The following DOCK1 variants were observed in gnomAD, a reference collection of about 807,000 sequenced individuals.
The protein encoded by DOCK1 is dedicator of cytokinesis 1, also known as dedicator of cytokinesis protein 1.
DOCK1 carries 138 observed loss-of-function variants against 262.7 expected under a neutral mutation model. The ratio of observed to expected loss-of-function variants is 0.53; its 90% CI spans 0.46 to 0.61. The LOEUF (loss-of-function observed/expected upper bound fraction) is 0.61, where lower values mean the gene tolerates loss of function less well. DOCK1 is among the 20% of genes least tolerant of loss of function. DOCK1 has a pLI of 0.00. For synonymous variants in DOCK1, 866 were observed against 867.4 expected, an observed-to-expected ratio of 1.00 and a Z score of 0.03; for missense variants, 1,908 against 2,370.7, an observed-to-expected ratio of 0.80 and a Z score of 4.05.
chr10:127,403,374 GCTT>G (rs1204050044), intron 39 of DOCK1, among the ~76,000 whole-genome samples: 1 of 152,172 alleles, frequency 6.6e-6, no homozygotes, highest in East Asian at 1.9e-4. Flanking sequence ...AACTCTTAAG[GCTT>G]CTATGAATAA....
intron 23 of DOCK1, among the ~76,000 whole-genome samples, chr10:127,076,869 G>A (rs2046591961): frequency 6.6e-6 from 1 of 152,096 alleles, no homozygotes; most frequent in South Asian, 2.1e-4. Flanking sequence ...TTGTCCCTGG[G>A]GTGCAGGAAT....
rs9418798 is a variant in DOCK1, at chr10:127,026,073, G to A, written c.1552-279G>A. 9.0e-3 allele frequency: 1,970 copies of A among 218,194 alleles called. 5 individuals are homozygous for A. The highest frequency in any genetic ancestry group is 0.014 in the South Asian group (293 of 21,166). 13.5% of individuals were successfully genotyped at this position (218,194 alleles called of 1,614,324 possible). ...AAACTCTGTATCAAAAAAAAAAAAA[G>A]AAAGAAAAAAGAATCTTAACAGTAA... On this transcript the variant is annotated intron_variant, in intron 15 of 51. Transcript: ENST00000623213.
At chr10:126,963,401 T>G (rs1166651482) in intron 1 of DOCK1, among the ~76,000 whole-genome samples, 1 of 152,186 alleles carries the variant, frequency 6.6e-6, no homozygotes, top group Non-Finnish European at 1.5e-5. Flanking sequence ...AGTTTACAAG[T>G]CTGTACCTCC....
intron 29 of DOCK1, among the ~76,000 whole-genome samples, chr10:127,294,503 G>T (rs939652799): frequency 6.6e-5 from 10 of 151,870 alleles, no homozygotes; most frequent in African/African-American, 2.4e-4. Flanking sequence ...TGTACTTTTA[G>T]TAGAGATGGG....
chr10:127,213,155 G>A (rs1188265482), intron 27 of DOCK1, among the ~76,000 whole-genome samples: 5 of 152,222 alleles, frequency 3.3e-5, no homozygotes, highest in Middle Eastern at 3.4e-3. Flanking sequence ...TCTTTTACAT[G>A]TATTTCAAAA....
chr10:127,027,804 G>C (rs1319182047), intron 16 of DOCK1, among the ~76,000 whole-genome samples: 1 of 152,102 alleles, frequency 6.6e-6, no homozygotes, highest in Non-Finnish European at 1.5e-5. Flanking sequence ...TGCCTGGACA[G>C]GGGGGCTGCA....
At chr10:127,283,492 G>A (rs1372289553) in intron 29 of DOCK1, among the ~76,000 whole-genome samples, 1 of 152,188 alleles carries the variant, frequency 6.6e-6, no homozygotes, top group Non-Finnish European at 1.5e-5. Context: ...GTTATAGAAG[G>A]AATAAAGCCA....
At chr10:127,264,742 C>G (rs1362740047) in intron 29 of DOCK1, among the ~76,000 whole-genome samples, 1 of 152,062 alleles carries the variant, frequency 6.6e-6, no homozygotes. Context: ...CTCACTGCAG[C>G]CTTTAACTAC....
At chr10:127,027,835 AATGC>A (rs1425222641) in intron 16 of DOCK1, among the ~76,000 whole-genome samples, 17 of 151,826 alleles carry the variant, frequency 1.1e-4, no homozygotes, top group Non-Finnish European at 1.3e-4. Context: ...CTGGAGAGCA[AATGC>A]ACGAGCACGG....
At chr10:127,093,327 C>T (rs1156651586) in intron 23 of DOCK1, among the ~76,000 whole-genome samples, 1 of 139,976 alleles carries the variant, frequency 7.1e-6, no homozygotes, top group Non-Finnish European at 1.5e-5. Flanking sequence ...CTCACTGCAA[C>T]TTCCACCTTC....
chr10:127,096,300 A>AG (rs768123596), intron 23 of DOCK1, among the ~76,000 whole-genome samples: 61 of 152,192 alleles, frequency 4.0e-4, no homozygotes, highest in Non-Finnish European at 7.4e-4. Flanking sequence ...GAGTGGGTCG[A>AG]GGGGCACCAA....
intron 1 of DOCK1, among the ~76,000 whole-genome samples, chr10:126,939,094 A>C (rs1490064853): frequency 6.6e-6 from 1 of 150,630 alleles, no homozygotes; most frequent in Non-Finnish European, 1.5e-5. Context: ...CGAGCACCGG[A>C]GGGGATGAAC....
At chr10:126,959,586 C>T (rs2037031016) in intron 1 of DOCK1, among the ~76,000 whole-genome samples, 2 of 152,182 alleles carry the variant, frequency 1.3e-5, no homozygotes, top group Admixed American at 6.5e-5. Context: ...CTGCATCTTC[C>T]CCAGGTGGGC....
At chr10:127,343,033 T>G (rs2063497696) in intron 30 of DOCK1, among the ~76,000 whole-genome samples, 1 of 152,078 alleles carries the variant, frequency 6.6e-6, no homozygotes, top group Non-Finnish European at 1.5e-5. Context: ...TCACTTGAGG[T>G]CAGGAGTTCA....
intron 16 of DOCK1, among the ~76,000 whole-genome samples, chr10:127,030,245 T>G (rs1279012295): frequency 1.3e-5 from 2 of 152,200 alleles, no homozygotes; most frequent in Non-Finnish European, 2.9e-5. Flanking sequence ...ATTGTAGAGA[T>G]AGTTTCCAGC....
intron 6 of DOCK1, among the ~76,000 whole-genome samples, chr10:126,993,994 A>G (rs917339498): frequency 6.6e-6 from 1 of 152,332 alleles, no homozygotes; most frequent in South Asian, 2.1e-4. Flanking sequence ...GATGTTCTCT[A>G]ATTGAAATTT....
intron 29 of DOCK1, among the ~76,000 whole-genome samples, chr10:127,330,549 A>C (rs1260306313): frequency 6.6e-6 from 1 of 152,208 alleles, no homozygotes; most frequent in Non-Finnish European, 1.5e-5. Flanking sequence ...TTTAAAATAG[A>C]ATTACCAGAT....
intron 23 of DOCK1, among the ~76,000 whole-genome samples, chr10:127,088,886 A>G (rs2047349957): frequency 6.6e-6 from 1 of 152,086 alleles, no homozygotes; most frequent in African/African-American, 2.4e-5. Flanking sequence ...CACCCCTCAG[A>G]GTCTAAGGGG....
chr10:127,085,712 T>G (rs2047156720), intron 23 of DOCK1, among the ~76,000 whole-genome samples: 2 of 151,864 alleles, frequency 1.3e-5, no homozygotes, highest in African/African-American at 4.8e-5. Context: ...GAGCCGAGAT[T>G]GCGCCACTGC....
Sources: allele counts gnomAD v4.1 joint callset (sites outside exome capture counted in the v4.1 genomes callset), GRCh38; gene constraint gnomAD v4.1.1; transcripts MANE v1.5; gene names NCBI Gene and HGNC (gene_info 2026-07-23, HGNC 2026-07-21).